The following CDK19 variants were observed in gnomAD, a reference collection of about 807,000 sequenced individuals.
CDK19 encodes the protein cyclin dependent kinase 19.
A neutral mutation model predicts 68.3 loss-of-function variants in CDK19; 20 were observed. The observed-to-expected ratio is 0.29, with a 90% CI of 0.21 to 0.43. CDK19 has a LOEUF of 0.43. Ranked by LOEUF, CDK19 falls within the 20% of genes least tolerant of loss-of-function variation. The pLI, the probability that CDK19 is intolerant of heterozygous loss-of-function variation, is 1.00. For synonymous variants in CDK19, 221 were observed against 222.8 expected, an observed-to-expected ratio of 0.99 and a Z score of 0.07; for missense variants, 339 against 623.5, an observed-to-expected ratio of 0.54 and a Z score of 4.86.
At chr6:110,617,856 CAAAAAAAAAAA>C (rs58620857) in intron 12 of CDK19, among the ~76,000 whole-genome samples, 55 of 17,356 alleles carry the variant, frequency 3.2e-3, no homozygotes, top group Middle Eastern at 0.026. Flanking sequence ...GACTCTGTCT[CAAAAAAAAAAA>C]AAAAAAAAAA....
intron 4 of CDK19, among the ~76,000 whole-genome samples, chr6:110,661,688 T>C (rs1215265503): frequency 6.6e-6 from 1 of 152,208 alleles, no homozygotes; most frequent in Non-Finnish European, 1.5e-5. Flanking sequence ...TGTTACTTCA[T>C]TCGGATAGAC....
chr6:110,705,342 A>G (rs1462411302), intron 2 of CDK19, among the ~76,000 whole-genome samples: 1 of 152,076 alleles, frequency 6.6e-6, no homozygotes, highest in Non-Finnish European at 1.5e-5. Context: ...GCCTGGCCAG[A>G]AATGTAGATT....
chr6:110,626,873 G>A, intron 7 of CDK19, 28 bp from the exon 8 acceptor site: 1 of 1,421,840 alleles, frequency 7.0e-7, no homozygotes, highest in Non-Finnish European at 9.6e-7. Context: ...TATTGTTATA[G>A]AAAATAATGT....
At chr6:110,768,528 AG>A (rs1421398224) in intron 1 of CDK19, among the ~76,000 whole-genome samples, 1 of 152,266 alleles carries the variant, frequency 6.6e-6, no homozygotes, top group Non-Finnish European at 1.5e-5. Context: ...TGATATGTCC[AG>A]AAATAGAACA....
intron 2 of CDK19, among the ~76,000 whole-genome samples, chr6:110,738,378 G>A (rs1486095299): frequency 1.3e-5 from 2 of 151,626 alleles, no homozygotes; most frequent in Non-Finnish European, 2.9e-5. Context: ...AAATTAGCCA[G>A]GGATGGTGGC....
chr6:110,800,537 T>C (rs961066521), intron 1 of CDK19, among the ~76,000 whole-genome samples: 6 of 152,120 alleles, frequency 3.9e-5, no homozygotes, highest in South Asian at 2.1e-4. Context: ...CTGATGAACA[T>C]AGATGCAAAA....
intron 4 of CDK19, among the ~76,000 whole-genome samples, 200 bp from the exon 5 acceptor site, chr6:110,638,906 G>C (rs984582533): frequency 6.6e-6 from 1 of 152,020 alleles, no homozygotes; most frequent in Non-Finnish European, 1.5e-5. Flanking sequence ...CCTTGCTATG[G>C]AAACACACCT....
chr6:110,734,931 G>C (rs1340848395), intron 2 of CDK19, among the ~76,000 whole-genome samples: 1 of 152,098 alleles, frequency 6.6e-6, no homozygotes, highest in East Asian at 1.9e-4. Context: ...TGGTACAATA[G>C]TAAATATTAT....
chr6:110,689,896 G>T (rs1264787845), intron 2 of CDK19, among the ~76,000 whole-genome samples: 1 of 152,148 alleles, frequency 6.6e-6, no homozygotes, highest in Non-Finnish European at 1.5e-5. Context: ...TACTCCTAGG[G>T]GAAGGGGAAG....
intron 5 of CDK19, among the ~76,000 whole-genome samples, chr6:110,635,602 T>C (rs1045402260): frequency 5.3e-5 from 8 of 152,112 alleles, no homozygotes; most frequent in African/African-American, 1.7e-4. Context: ...TGCAGTGGCA[T>C]GATCTCGGCT....
chr6:110,777,335 A>ATTTCAGTTT (rs1477918909), intron 1 of CDK19, among the ~76,000 whole-genome samples: 1 of 152,222 alleles, frequency 6.6e-6, no homozygotes, highest in Non-Finnish European at 1.5e-5. Context: ...AAGACTAAGT[A>ATTTCAGTTT]TTTCAGTTTT....
At chr6:110,743,060 C>T (rs1163447541) in intron 2 of CDK19, among the ~76,000 whole-genome samples, 1 of 152,142 alleles carries the variant, frequency 6.6e-6, no homozygotes, top group Non-Finnish European at 1.5e-5. Flanking sequence ...TCTCTTTGTA[C>T]TCTTTCTCTT....
chr6:110,669,574 A>AGTTCAAGAC (rs1474965304), intron 3 of CDK19, among the ~76,000 whole-genome samples: 1 of 152,242 alleles, frequency 6.6e-6, no homozygotes, highest in African/African-American at 2.4e-5. Flanking sequence ...TGAGCCCAGG[A>AGTTCAAGAC]GTTCAAGACC....
At chr6:110,738,744 C>T (rs938387094) in intron 2 of CDK19, among the ~76,000 whole-genome samples, 6 of 152,056 alleles carry the variant, frequency 3.9e-5, no homozygotes, top group African/African-American at 7.2e-5. Flanking sequence ...CTATCAATTC[C>T]ACTTCATAAA....
intron 2 of CDK19, among the ~76,000 whole-genome samples, chr6:110,705,698 C>A (rs1364375304): frequency 6.6e-6 from 1 of 152,134 alleles, no homozygotes; most frequent in Admixed American, 6.5e-5. Context: ...CTCCCAGAAG[C>A]GGAAACAGAT....
intron 4 of CDK19, chr6:110,645,722 C>G: frequency 2.3e-6 from 1 of 444,166 alleles, no homozygotes; most frequent in Admixed American, 3.5e-5. Context: ...TGGAGGCCAA[C>G]AGAGTCCCTA....
chr6:110,808,481 G>C (rs895854832), intron 1 of CDK19, among the ~76,000 whole-genome samples: 2 of 152,176 alleles, frequency 1.3e-5, no homozygotes, highest in African/African-American at 4.8e-5. Context: ...CACTACAATA[G>C]AGTTGAGTAA....
At chr6:110,735,079 A>G (rs1403907894) in intron 2 of CDK19, among the ~76,000 whole-genome samples, 1 of 151,842 alleles carries the variant, frequency 6.6e-6, no homozygotes, top group African/African-American at 2.4e-5. Flanking sequence ...AAAATTTTAG[A>G]TAATAGTCCA....
At chr6:110,719,972 G>GCCCCCCCCCCCC (rs1167384607) in intron 2 of CDK19, among the ~76,000 whole-genome samples, 24 of 45,546 alleles carry the variant, frequency 5.3e-4, no homozygotes, top group African/African-American at 8.3e-4. Context: ...CTTGTGATCC[G>GCCCCCCCCCCCC]CCCCCCCCCC....
Sources: allele counts gnomAD v4.1 joint callset (sites outside exome capture counted in the v4.1 genomes callset), GRCh38; gene constraint gnomAD v4.1.1; transcripts MANE v1.5; gene names NCBI Gene and HGNC (gene_info 2026-07-23, HGNC 2026-07-21).